Variants in PPP1R11 observed in about 807,000 individuals in gnomAD.
PPP1R11 encodes the protein protein phosphatase 1 regulatory inhibitor subunit 11.
A neutral mutation model predicts 11.3 loss-of-function variants in PPP1R11; 10 were observed. The observed-to-expected ratio is 0.88, with a 90% CI of 0.55 to 1.50. The LOEUF is 1.50. Ranked by LOEUF, PPP1R11 falls within the 40% of genes most tolerant of loss-of-function variation. The pLI, the probability that PPP1R11 is intolerant of heterozygous loss-of-function variation, is 0.00. For synonymous variants in PPP1R11, 56 were observed against 62.3 expected, an observed-to-expected ratio of 0.90 and a Z score of 0.48; for missense variants, 114 against 179.1, an observed-to-expected ratio of 0.64 and a Z score of 2.07.
upstream of PPP1R11, chr6:30,061,961 C>G: frequency 6.2e-7 from 1 of 1,613,072 alleles, no homozygotes; most frequent in Non-Finnish European, 8.5e-7. The surrounding 1 kb of genome is among the most constrained non-coding windows in gnomAD (Gnocchi z 5.0). Flanking sequence ...GTTCCACCAA[C>G]TGGGGACAGC....
chr6:30,061,920 T>G (rs779734564), upstream of PPP1R11: 1 of 1,612,950 alleles, frequency 6.2e-7, no homozygotes, highest in African/African-American at 1.3e-5. This position sits in a 1 kb window ranked among gnomAD's most constrained non-coding sequence, Gnocchi z 5.0. Context: ...TGTGCAGACT[T>G]TGAGGGGAAG....
Position 30,069,119 on chromosome 6 carries a change from A to G in PPP1R11, c.194A>G (p.Glu65Gly), listed in dbSNP as rs1040365625. ...RRSSKCCCIY[E>G]KPRAFGESST... ...CTAAATCTAGGCTGCTGTATTTATG[A>G]GAAACCTCGGGCCTTTGGCGAGAGC... The change falls in exon 3 of 3, where the codon GAG becomes GGG. Residue 65 changes from glutamate (E) to glycine (G), a missense_variant. Coordinates refer to ENST00000376772, the MANE Select transcript of PPP1R11 (RefSeq NM_021959.3). This position sits in a 1 kb window ranked among gnomAD's most constrained non-coding sequence, Gnocchi z 6.6. 6.2e-7 allele frequency: 1 copy of G among 1,609,666 alleles called. No homozygotes were observed. The highest frequency in any genetic ancestry group is 8.5e-7 in the Non-Finnish European group (1 of 1,177,320).
chr6:30,065,638 C>A (rs1033226888), upstream of PPP1R11, among the ~76,000 whole-genome samples: 6 of 152,060 alleles, frequency 3.9e-5, no homozygotes, highest in East Asian at 3.9e-4. The surrounding 1 kb of genome is among the most constrained non-coding windows in gnomAD (Gnocchi z 5.3). Context: ...AGGGTCAGCA[C>A]CCCTTACCCC....
the PPP1R11 span, chr6:30,061,482 CTT>C: frequency 6.2e-7 from 1 of 1,607,270 alleles, no homozygotes; most frequent in South Asian, 1.1e-5. The surrounding 1 kb of genome is among the most constrained non-coding windows in gnomAD (Gnocchi z 5.0). Context: ...ACTCTTCTCT[CTT>C]TTGTTAATAA....
Position 30,069,462 on chromosome 6 carries a change from C to A in PPP1R11, c.*156C>A. On this transcript the variant is annotated 3_prime_UTR_variant, in exon 3 of 3. Transcript: ENST00000376772. The surrounding 1 kb of genome is among the most constrained non-coding windows in gnomAD (Gnocchi z 6.6). The stretch of plus-strand genomic sequence containing the variant: ...CTGAAATTCTGACTTGCTGCTATTC[C>A]AGAACCCAGCCTCCTGGGTTTCCCC... The A allele has an allele frequency of 1.6e-6, 1 of 626,868 alleles. No individual in the cohort carries two copies. The highest frequency in any genetic ancestry group is 2.6e-6 in the Non-Finnish European group (1 of 389,590). 38.8% of individuals were successfully genotyped at this position (626,868 alleles called of 1,614,324 possible).
At position 30,069,332 on chromosome 6, in the gene PPP1R11, T is replaced by C. The variant is rs767896119; in HGVS notation, c.*26T>C. ...ATCCCTCTCTCCTCCAGCATTCCTG[T>C]GTCTGTCTGGCCCTAAATGTATCCA... On this transcript the variant is annotated 3_prime_UTR_variant, in exon 3 of 3. Coordinates refer to ENST00000376772, the MANE Select transcript of PPP1R11 (RefSeq NM_021959.3). The surrounding 1 kb of genome is among the most constrained non-coding windows in gnomAD (Gnocchi z 6.6). 6.5e-7 allele frequency: 1 copy of C among 1,533,234 alleles called. No individual in the cohort carries two copies. The highest frequency in any genetic ancestry group is 2.3e-5 in the East Asian group (1 of 43,638). 95.0% of individuals were successfully genotyped at this position (1,533,234 alleles called of 1,614,324 possible).
At chr6:30,064,202 T>G (rs1765328666), upstream of PPP1R11, among the ~76,000 whole-genome samples, 1 of 152,158 alleles carries the variant, frequency 6.6e-6, no homozygotes, top group Non-Finnish European at 1.5e-5. Flanking sequence ...TGCCTTTACT[T>G]TCTTGCCATC....
intron 2 of PPP1R11, 25 bp downstream of exon 2, chr6:30,068,723 G>A (rs1170714936): frequency 6.3e-7 from 1 of 1,588,660 alleles, no homozygotes; most frequent in East Asian, 2.2e-5. Flanking sequence ...GCCCGCAGTA[G>A]CCCTGGAGTT....
the PPP1R11 span, chr6:30,061,397 GCGT>G: frequency 3.8e-6 from 4 of 1,043,114 alleles, no homozygotes; most frequent in Non-Finnish European, 5.5e-6. This position sits in a 1 kb window ranked among gnomAD's most constrained non-coding sequence, Gnocchi z 5.0. Context: ...GAGGCAGGAG[GCGT>G]GCGTGGCAGG....
At chr6:30,065,382 A>G (rs1271365006), upstream of PPP1R11, among the ~76,000 whole-genome samples, 1 of 152,174 alleles carries the variant, frequency 6.6e-6, no homozygotes, top group Non-Finnish European at 1.5e-5. The surrounding 1 kb of genome is among the most constrained non-coding windows in gnomAD (Gnocchi z 5.3). Context: ...CCTCCTCCTG[A>G]GCCTACTCAA....
chr6:30,067,644 G>A, intron 1 of PPP1R11, 165 bp downstream of exon 1: 1 of 855,844 alleles, frequency 1.2e-6, no homozygotes, highest in Non-Finnish European at 1.8e-6. Flanking sequence ...GCTATTTGGA[G>A]TGGCAGAGAT....
At chr6:30,061,797 G>C, upstream of PPP1R11, 1 of 1,553,410 alleles carries the variant, frequency 6.4e-7, no homozygotes. This position sits in a 1 kb window ranked among gnomAD's most constrained non-coding sequence, Gnocchi z 5.0. Context: ...TTGGTCTAGC[G>C]ATGAAAACTG....
chr6:30,064,729 C>T (rs757662828), upstream of PPP1R11: 1 of 1,602,242 alleles, frequency 6.2e-7, no homozygotes, highest in Non-Finnish European at 8.5e-7. Flanking sequence ...CAGTCCCTCC[C>T]TCCTTTCGGA....
At chr6:30,066,546 G>A (rs1026356244), upstream of PPP1R11, among the ~76,000 whole-genome samples, 1 of 152,104 alleles carries the variant, frequency 6.6e-6, no homozygotes, top group Non-Finnish European at 1.5e-5. Context: ...ATTTGTTAAT[G>A]CCCCAGTGTT....
rs372538912 is a variant in PPP1R11, at chr6:30,068,717, G to A, written c.178+19G>A. On this transcript the variant is annotated intron_variant, in intron 2 of 2. Transcript: ENST00000376772. ...TCCAAATGTGAGTAATTGTTGGCCC[G>A]CAGTAGCCCTGGAGTTCTGGCTCCC... 167 of 1,595,554 alleles carry A rather than the reference G, an allele frequency of 1.0e-4. 1 individual carries two copies. The Admixed American group carries it at 2.5e-3, about 24-fold the overall frequency.
In PPP1R11 at chr6:30,069,036, T is replaced by A. The variant is rs1765736353; in HGVS notation, c.179-68T>A. On this transcript the variant is annotated intron_variant, in intron 2 of 2. Transcript: ENST00000376772. This position sits in a 1 kb window ranked among gnomAD's most constrained non-coding sequence, Gnocchi z 6.6. Reference sequence around the variant, plus strand: ...AATAGGAATTTTCACTGAGTTTGAGTGGGAATGGAACTGACTATATATCTT... The same window carrying A: ...AATAGGAATTTTCACTGAGTTTGAGAGGGAATGGAACTGACTATATATCTT... 7.0e-7 allele frequency: 1 copy of A among 1,438,004 alleles called. No individual in the cohort carries two copies. Among genetic ancestry groups the A allele is most frequent in the African/African-American group, 1.4e-5 (1 of 70,592 alleles). 89.1% of individuals were successfully genotyped at this position (1,438,004 alleles called of 1,614,324 possible).
Position 30,070,222 on chromosome 6 carries a change from T to C in PPP1R11, c.*916T>C, listed in dbSNP as rs1304504763. 6.5e-6 allele frequency: 1 copy of C among 153,462 alleles called. No individual in the cohort carries two copies. Among genetic ancestry groups the C allele is most frequent in the Non-Finnish European group, 1.5e-5 (1 of 68,730 alleles). 9.5% of individuals were successfully genotyped at this position (153,462 alleles called of 1,614,324 possible). A position where few individuals can be genotyped will look rare whatever the true frequency, so the allele number is the denominator to read the frequency against. ...ACCCCTTACTGGGATCCGGTTTTCA[T>C]TTTCCGGTCCTTTTGCCATACACAG... On this transcript the variant is annotated 3_prime_UTR_variant, in exon 3 of 3. Coordinates refer to ENST00000376772, the MANE Select transcript of PPP1R11 (RefSeq NM_021959.3).
At chr6:30,067,158 T>G, upstream of PPP1R11, 1 of 445,822 alleles carries the variant, frequency 2.2e-6, no homozygotes, top group Non-Finnish European at 4.0e-6. Context: ...CTTTGACGCA[T>G]TTGGTGCCGT....
Position 30,068,660 on chromosome 6 carries a change from CTG to C in PPP1R11, c.143_144del (p.Val48GlyfsTer3), listed in dbSNP as rs1561974518. 1 of 1,613,006 alleles carries C rather than the reference CTG, an allele frequency of 6.2e-7. No individual in the cohort carries two copies. The highest frequency in any genetic ancestry group is 8.5e-7 in the Non-Finnish European group (1 of 1,179,992). ...AAAAAGGTAGAATGGACAAGTGACA[CTG>C]TGGACAATGAACACATGGGCCGCCG... On this transcript the variant is annotated frameshift_variant, in exon 2 of 3. Transcript: ENST00000376772. LOFTEE classifies it high-confidence loss of function.
Sources: gnomAD v4.1 joint callset for allele counts (sites outside exome capture counted in the v4.1 genomes callset) on GRCh38, gnomAD v4.1.1 for gene constraint, Gnocchi (gnomAD v3.1) non-coding constraint, MANE v1.5 for transcripts, NCBI Gene and HGNC (gene_info 2026-07-23, HGNC 2026-07-21) for gene names.